The following MYT1 variants were observed in gnomAD, a reference collection of about 807,000 sequenced individuals.
MYT1 encodes the protein myelin transcription factor 1, also known as myelin transcription factor I.
In MYT1, 23 loss-of-function variants were observed where a neutral mutation model predicts 123.0. The ratio of observed to expected loss-of-function variants is 0.19; its 90% CI spans 0.13 to 0.26. The LOEUF (loss-of-function observed/expected upper bound fraction) is 0.26. Among genes scored for constraint, MYT1 ranks in the 10% least tolerant of loss-of-function variants. The probability of loss-of-function intolerance (pLI) is 1.00; values close to 1 mark genes in which losing one functional copy is unlikely to be tolerated. For synonymous variants in MYT1, 518 were observed against 575.3 expected, an observed-to-expected ratio of 0.90 and a Z score of 1.43; for missense variants, 1,125 against 1,472.5, an observed-to-expected ratio of 0.76 and a Z score of 3.86.
intron 18 of MYT1, among the ~76,000 whole-genome samples, chr20:64,228,583 T>C (rs937653495): frequency 2.6e-5 from 4 of 152,124 alleles, no homozygotes; most frequent in African/African-American, 9.7e-5. Flanking sequence ...TGGGGGCTCG[T>C]GTGTCTTTGT....
chr20:64,201,789 C>T (rs1198570739), intron 4 of MYT1, among the ~76,000 whole-genome samples: 1 of 152,222 alleles, frequency 6.6e-6, no homozygotes, highest in Non-Finnish European at 1.5e-5. Flanking sequence ...GGAAGCATGA[C>T]CCACGCAGAA....
chr20:64,195,354 CTG>C (rs5741790), intron 2 of MYT1, among the ~76,000 whole-genome samples: 5,990 of 98,646 alleles, frequency 0.061, 270 homozygotes, highest in South Asian at 0.11. Flanking sequence ...ATGGTGAGAA[CTG>C]TGTGTGTGTG....
At chr20:64,171,426 C>T (rs1429381605) in intron 1 of MYT1, among the ~76,000 whole-genome samples, 2 of 152,212 alleles carry the variant, frequency 1.3e-5, no homozygotes, top group African/African-American at 4.8e-5. Flanking sequence ...GGACTCTGGG[C>T]CCTGCACCTC....
At position 64,238,487 on chromosome 20, in the gene MYT1, C is replaced by T. The variant is rs76940712; in HGVS notation, c.3093+1097C>T. 4.5e-3 allele frequency among the ~76,000 whole-genome samples: 683 copies of T among 152,218 alleles called. 7 individuals are homozygous for T. The highest frequency in any genetic ancestry group is 0.015 in the African/African-American group (633 of 41,566). On this transcript the variant is annotated intron_variant, in intron 21 of 22. Transcript: ENST00000328439. The stretch of plus-strand genomic sequence containing the variant: ...TACTGGCAAACAGGCTCACGTTGAC[C>T]GCTTGTTACTCAAGAGCCTGTATAA...
At chr20:64,216,883 C>G (rs1983853121) in intron 10 of MYT1, among the ~76,000 whole-genome samples, 184 bp from the exon 11 acceptor site, 1 of 152,220 alleles carries the variant, frequency 6.6e-6, no homozygotes, top group African/African-American at 2.4e-5. Flanking sequence ...GAGCCCTTGA[C>G]CCTGGGAGGT....
Position 64,198,839 on chromosome 20 carries a change from ACGT to A in MYT1, c.1-19_1-17del. The A allele has an allele frequency of 6.2e-7, 1 of 1,613,980 alleles. No individual in the cohort carries two copies. Among genetic ancestry groups the A allele is most frequent in the Non-Finnish European group, 8.5e-7 (1 of 1,179,888 alleles). ...AGGCACTGGCTGGGTTTTCTTGTTA[ACGT>A]CGTGGTTTTTTGCTTGCAGATGAGC... On this transcript the variant is annotated intron_variant, in intron 2 of 22. Transcript: ENST00000328439.
chr20:64,210,813 G>A (rs1035048705), intron 7 of MYT1, among the ~76,000 whole-genome samples: 6 of 152,178 alleles, frequency 3.9e-5, no homozygotes, highest in Non-Finnish European at 7.3e-5. Flanking sequence ...TGTCTTCCTC[G>A]TTTTGTCAAA....
In MYT1 at chr20:64,211,220, G is replaced by C. The variant is rs1983656313; in HGVS notation, c.1306G>C (p.Glu436Gln). ...GTGTGTTTTAGATCCTTCAAGAGCT[G>C]AGAAGCGTGAGATCAAGTGTCCAAC... is the stretch of plus-strand genomic sequence containing the variant. ...SYYSKDPSRAEKREIKCPTPG... is the reference protein window; with the variant it reads ...SYYSKDPSRAQKREIKCPTPG... Residue 436 changes from glutamate to glutamine, a missense_variant, in exon 8 of 23, where the codon GAG becomes CAG. Glu to Gln is a conservative substitution (Grantham distance 29). This residue lies in a region of MYT1 where 429 missense variants were observed against 604.1 expected (regional missense o/e 0.71). Coordinates refer to ENST00000328439, the MANE Select transcript of MYT1 (RefSeq NM_004535.3). The C allele has an allele frequency of 6.2e-6, 10 of 1,613,486 alleles. No individual in the cohort carries two copies. Among genetic ancestry groups the C allele is most frequent in the South Asian group, 1.1e-5 (1 of 90,924 alleles).
chr20:64,217,290 G>A lies in MYT1; in HGVS notation c.1846+9G>A. On this transcript the variant is annotated intron_variant, in intron 11 of 22. Transcript: ENST00000328439. ...ACCTAAAGCCTTTCAATGTAAGTTG[G>A]GGAGAATTGTTCTTGTTTCTCTTCT... The A allele has an allele frequency of 6.2e-7, 1 of 1,613,856 alleles. No individual in the cohort carries two copies. The highest frequency in any genetic ancestry group is 8.5e-7 in the Non-Finnish European group (1 of 1,179,704).
At chr20:64,236,409 C>G (rs1477056711) in intron 19 of MYT1, 146 bp from the exon 20 acceptor site, 2 of 639,736 alleles carry the variant, frequency 3.1e-6, no homozygotes, top group Admixed American at 2.4e-5. Context: ...CTGGGCTGGC[C>G]GTGGTGGGTG....
rs1266691449 is a variant in MYT1, at chr20:64,164,573, A to G, written c.-265A>G. 1 of 152,162 alleles carries G rather than the reference A, an allele frequency of 6.6e-6. No individual in the cohort carries two copies. The highest frequency in any genetic ancestry group is 1.5e-5 in the Non-Finnish European group (1 of 68,042). 9.4% of individuals were successfully genotyped at this position (152,162 alleles called of 1,614,324 possible). On this transcript the variant is annotated 5_prime_UTR_variant, in exon 1 of 23. Transcript: ENST00000328439. ...GGAGTTCGCACACTAAGGGGAGAAG[A>G]TATTTAATTGAAACCCGCACGCAGG...
intron 1 of MYT1, among the ~76,000 whole-genome samples, chr20:64,178,041 G>C (rs766402143): frequency 6.6e-5 from 10 of 152,174 alleles, no homozygotes; most frequent in Non-Finnish European, 1.5e-4. Context: ...GGGACAGAGG[G>C]AGGTGGAGCG....
chr20:64,237,189 C>A, intron 20 of MYT1, 98 bp from the exon 21 acceptor site: 3 of 899,108 alleles, frequency 3.3e-6, no homozygotes, highest in Non-Finnish European at 5.3e-6. Flanking sequence ...CTCTGCTGCA[C>A]AGGGGGTTTC....
intron 16 of MYT1, among the ~76,000 whole-genome samples, chr20:64,227,146 A>C (rs1020880988): frequency 2.6e-5 from 4 of 152,248 alleles, no homozygotes; most frequent in African/African-American, 9.6e-5. Context: ...CTGGAGCAGC[A>C]GTTGGCTGCT....
Position 64,208,628 on chromosome 20 carries a change from A to G in MYT1, c.1291+141A>G. 7.2e-7 allele frequency: 1 copy of G among 1,380,704 alleles called. No individual in the cohort carries two copies. The highest frequency in any genetic ancestry group is 1.5e-5 in the African/African-American group (1 of 68,622). 85.5% of individuals were successfully genotyped at this position (1,380,704 alleles called of 1,614,324 possible). On this transcript the variant is annotated intron_variant, in intron 7 of 22. Coordinates refer to ENST00000328439, the MANE Select transcript of MYT1 (RefSeq NM_004535.3). The surrounding 1 kb of genome is among the most constrained non-coding windows in gnomAD (Gnocchi z 5.4). ...AGACAAAAGGACAAATACATGACAC[A>G]GACTGTGGTCAGATACTGAGCAAAT...
At chr20:64,221,410 G>C (rs1983996312) in intron 13 of MYT1, among the ~76,000 whole-genome samples, 1 of 152,234 alleles carries the variant, frequency 6.6e-6, no homozygotes, top group Admixed American at 6.5e-5. Context: ...GCACTGGTGG[G>C]CGTGTCGGGC....
At chr20:64,180,526 C>T (rs575405448) in intron 1 of MYT1, among the ~76,000 whole-genome samples, 44 of 152,370 alleles carry the variant, frequency 2.9e-4, no homozygotes, top group South Asian at 2.3e-3. Flanking sequence ...ACCTCTGGGT[C>T]GCCACAGGAC....
At chr20:64,227,788 C>T in intron 17 of MYT1, 100 bp from the exon 18 acceptor site, 1 of 933,626 alleles carries the variant, frequency 1.1e-6, no homozygotes, top group Non-Finnish European at 1.6e-6. Context: ...TCCCACCCCA[C>T]CCTGGGGTCA....
intron 1 of MYT1, among the ~76,000 whole-genome samples, chr20:64,176,879 G>A (rs551204460): frequency 2.6e-5 from 4 of 152,354 alleles, no homozygotes; most frequent in Non-Finnish European, 4.4e-5. Flanking sequence ...CGCCTGGAGA[G>A]CCCGTCCTGT....
Sources: allele counts gnomAD v4.1 joint callset (sites outside exome capture counted in the v4.1 genomes callset), GRCh38; gene constraint gnomAD v4.1.1; regional missense constraint gnomAD v4.1.1; non-coding constraint Gnocchi (gnomAD v3.1); transcripts MANE v1.5; gene names NCBI Gene and HGNC (gene_info 2026-07-23, HGNC 2026-07-21).